Variants in DAP observed in about 807,000 individuals in gnomAD.
DAP encodes the protein death-associated protein 1.
In DAP, 8 loss-of-function variants were observed where a neutral mutation model predicts 13.8. The ratio of observed to expected loss-of-function variants is 0.58; its 90% CI spans 0.34 to 1.05. The LOEUF (loss-of-function observed/expected upper bound fraction) is 1.05, where lower values mean the gene tolerates loss of function less well. Ranked by LOEUF, DAP falls within the 50% of genes least tolerant of loss-of-function variation. DAP has a pLI of 0.03. For missense variants in DAP, 106 were observed against 133.2 expected (o/e 0.80, Z 1.01); for synonymous variants, 47 against 47.5 (o/e 0.99, Z 0.04).
intron 2 of DAP, among the ~76,000 whole-genome samples, chr5:10,740,240 A>T (rs914773113): frequency 4.7e-4 from 71 of 152,250 alleles, no homozygotes; most frequent in African/African-American, 1.6e-3. Flanking sequence ...CTACACTGAA[A>T]TAGGAGAGGA....
chr5:10,757,656 C>T (rs774988761), intron 1 of DAP, among the ~76,000 whole-genome samples: 15 of 152,210 alleles, frequency 9.9e-5, no homozygotes, highest in South Asian at 2.1e-4. Flanking sequence ...ACGTGCCAAG[C>T]GCTTAGAAGT....
rs116753455 is a variant in DAP, at chr5:10,687,419, T to C, written c.153-3848A>G. Among the ~76,000 whole-genome samples, 49 of 152,336 alleles carry C rather than the reference T, an allele frequency of 3.2e-4. 1 individual carries two copies. The highest frequency in any genetic ancestry group is 3.4e-3 in the Middle Eastern group (1 of 294). ...TGCCACTAAGAATACTCATGATTCA[T>C]GGGAGGAGGTCAAAATATCAATATT... On this transcript the variant is annotated intron_variant, in intron 2 of 3. Coordinates refer to ENST00000230895, the MANE Select transcript of DAP (RefSeq NM_004394.3).
intron 2 of DAP, among the ~76,000 whole-genome samples, chr5:10,723,862 C>A (rs1739218780): frequency 1.3e-5 from 2 of 152,194 alleles, no homozygotes; most frequent in African/African-American, 2.4e-5. Context: ...CCTAAGGATA[C>A]AGAAGGAGAG....
chr5:10,690,869 C>T (rs182781962), intron 2 of DAP, among the ~76,000 whole-genome samples: 1 of 152,354 alleles, frequency 6.6e-6, no homozygotes, highest in East Asian at 1.9e-4. Context: ...CTGTTTTCCA[C>T]AGCGGCTGTT....
chr5:10,686,159 C>T (rs1424692950), intron 2 of DAP, among the ~76,000 whole-genome samples: 2 of 152,200 alleles, frequency 1.3e-5, no homozygotes, highest in East Asian at 3.8e-4. Context: ...AGATGGTAAA[C>T]TTAATCAATA....
At chr5:10,743,902 T>G (rs1312847028) in intron 2 of DAP, among the ~76,000 whole-genome samples, 1 of 152,232 alleles carries the variant, frequency 6.6e-6, no homozygotes, top group Admixed American at 6.5e-5. Context: ...TGGCTATATT[T>G]TTTTTAACAC....
rs564750240 is a variant in DAP, at chr5:10,711,771, A to T, written c.153-28200T>A. Among the ~76,000 whole-genome samples, 7 of 152,238 alleles carry T rather than the reference A, an allele frequency of 4.6e-5. No individual in the cohort carries two copies. In the South Asian group the frequency reaches 1.5e-3, roughly 32 times the overall value. On this transcript the variant is annotated intron_variant, in intron 2 of 3. Coordinates refer to ENST00000230895, the MANE Select transcript of DAP (RefSeq NM_004394.3). ...ACTGCTGATTCACTGGCTTCATTAA[A>T]CCCAAGTTTGGGACTCAAGAGCAAG...
At chr5:10,722,575 TAC>T (rs1491130002) in intron 2 of DAP, among the ~76,000 whole-genome samples, 3 of 144,682 alleles carry the variant, frequency 2.1e-5, no homozygotes, top group Non-Finnish European at 4.5e-5. Context: ...TATACATACA[TAC>T]ATATATATAC....
chr5:10,741,699 T>G (rs1739761064), intron 2 of DAP, among the ~76,000 whole-genome samples: 1 of 152,242 alleles, frequency 6.6e-6, no homozygotes, highest in Non-Finnish European at 1.5e-5. Context: ...TCCATTTTTG[T>G]AAACGTGCCT....
chr5:10,686,219 T>C (rs1246834281), intron 2 of DAP, among the ~76,000 whole-genome samples: 2 of 152,340 alleles, frequency 1.3e-5, no homozygotes, highest in Non-Finnish European at 1.5e-5. Context: ...TCCCTGTCTC[T>C]CTCCTTCTCT....
At chr5:10,759,375 C>A (rs1428378853) in intron 1 of DAP, among the ~76,000 whole-genome samples, 1 of 152,134 alleles carries the variant, frequency 6.6e-6, no homozygotes, top group African/African-American at 2.4e-5. Flanking sequence ...GCGCTCCTCC[C>A]CACAGTGGAC....
At chr5:10,748,838 T>C (rs1739975598) in intron 1 of DAP, among the ~76,000 whole-genome samples, 1 of 152,260 alleles carries the variant, frequency 6.6e-6, no homozygotes, top group Non-Finnish European at 1.5e-5. Flanking sequence ...TATAGATATG[T>C]AATTCATGTA....
At chr5:10,681,379 G>C (rs995916152) in intron 3 of DAP, among the ~76,000 whole-genome samples, 3 of 87,578 alleles carry the variant, frequency 3.4e-5, no homozygotes, top group African/African-American at 1.5e-4. Flanking sequence ...CAGCGCCCCT[G>C]CAGGAAGCAT....
rs542857619 is a variant in DAP at position 10,756,162 on chromosome 5, T to G, written c.55+4852A>C. ...CTAGACAAGAACAACAAAAAAAGGC[T>G]AGGGAAGAGGTGAAATGCCATGGGC... On this transcript the variant is annotated intron_variant, in intron 1 of 3. Coordinates refer to ENST00000230895, the MANE Select transcript of DAP (RefSeq NM_004394.3). Among the ~76,000 whole-genome samples, 185 of 141,922 alleles carry G rather than the reference T, an allele frequency of 1.3e-3. 45 individuals are homozygous for G. Among genetic ancestry groups the G allele is most frequent in the African/African-American group, 4.7e-3 (175 of 37,066 alleles). The allele number at this position is 141,922 out of a possible 152,430, so 93.1% of individuals were successfully genotyped here.
chr5:10,694,816 T>C (rs1299182345), intron 2 of DAP, among the ~76,000 whole-genome samples: 2 of 152,116 alleles, frequency 1.3e-5, no homozygotes, highest in Admixed American at 6.5e-5. Flanking sequence ...CATGCGCTCA[T>C]TGACCGGGAA....
chr5:10,722,515 C>CATATACATATACATGCATATATATACAT (rs1393481181), intron 2 of DAP, among the ~76,000 whole-genome samples: 10 of 101,796 alleles, frequency 9.8e-5, no homozygotes, highest in East Asian at 7.7e-4. Context: ...CATATGCATA[C>CATATACATATACATGCATATATATACAT]ATATACATAT....
intron 2 of DAP, among the ~76,000 whole-genome samples, chr5:10,692,449 C>T (rs970002164): frequency 2.6e-5 from 4 of 152,176 alleles, no homozygotes; most frequent in African/African-American, 9.7e-5. Context: ...TGGGGGCCGC[C>T]TGGATGTCTC....
intron 2 of DAP, among the ~76,000 whole-genome samples, chr5:10,715,724 G>C (rs925772322): frequency 2.6e-5 from 4 of 152,128 alleles, no homozygotes; most frequent in African/African-American, 4.8e-5. Context: ...CCGATGCCAC[G>C]GAGAGAAAGG....
intron 1 of DAP, among the ~76,000 whole-genome samples, chr5:10,757,789 G>A (rs574087954): frequency 6.6e-6 from 1 of 152,284 alleles, no homozygotes; most frequent in African/African-American, 2.4e-5. Flanking sequence ...GTTGAGGAAG[G>A]TGTGGGCCCG....
Sources: gnomAD v4.1 joint callset for allele counts (sites outside exome capture counted in the v4.1 genomes callset) on GRCh38, gnomAD v4.1.1 for gene constraint, MANE v1.5 for transcripts, NCBI Gene and HGNC (gene_info 2026-07-23, HGNC 2026-07-21) for gene names.